Variants in FBXL7 observed in about 807,000 individuals in gnomAD.
FBXL7 encodes the protein F-box/LRR-repeat protein 7.
In FBXL7, 12 loss-of-function variants were observed where a neutral mutation model predicts 38.3. The observed-to-expected ratio is 0.31, with a 90% CI of 0.20 to 0.51. FBXL7 has a LOEUF of 0.51. Among genes scored for constraint, FBXL7 ranks in the 20% least tolerant of loss-of-function variants. FBXL7 has a pLI of 0.98. For missense variants in FBXL7, 567 were observed against 676.4 expected, an observed-to-expected ratio of 0.84 and a Z score of 1.79; for synonymous variants, 297 against 300.9, an observed-to-expected ratio of 0.99 and a Z score of 0.13.
At position 15,639,977 on chromosome 5, in the gene FBXL7, G is replaced by A. The variant is rs1741306188; in HGVS notation, c.127+23905G>A. ...GGTCTTTTCCGTAATTGAGGCAGGGGCAGTTATCCTAGGATATTTAGAAAA... is the reference window on the plus strand; with the variant it reads ...GGTCTTTTCCGTAATTGAGGCAGGGACAGTTATCCTAGGATATTTAGAAAA... On this transcript the variant is annotated intron_variant, in intron 2 of 3. Transcript: ENST00000504595. Among the ~76,000 whole-genome samples, 5 of 152,022 alleles carry A rather than the reference G, an allele frequency of 3.3e-5. No individual in the cohort carries two copies. The South Asian group carries it at 1.0e-3, about 32-fold the overall frequency.
At chr5:15,625,429 G>A (rs112375756) in intron 2 of FBXL7, among the ~76,000 whole-genome samples, 14 of 152,210 alleles carry the variant, frequency 9.2e-5, no homozygotes, top group African/African-American at 3.1e-4. Context: ...CGAGGTGGCC[G>A]ATCACATGAG....
chr5:15,655,100 C>T (rs1037491481), intron 2 of FBXL7, among the ~76,000 whole-genome samples: 6 of 152,230 alleles, frequency 3.9e-5, no homozygotes, highest in Non-Finnish European at 5.9e-5. Flanking sequence ...TCTCTGCACA[C>T]ATCTTAGTCT....
At chr5:15,840,630 C>T (rs529480509) in intron 2 of FBXL7, among the ~76,000 whole-genome samples, 7 of 151,990 alleles carry the variant, frequency 4.6e-5, no homozygotes, top group Non-Finnish European at 7.4e-5. Flanking sequence ...AGGTGGATCA[C>T]GAGGTCAAGG....
At chr5:15,652,689 G>A (rs938121833) in intron 2 of FBXL7, among the ~76,000 whole-genome samples, 1 of 152,194 alleles carries the variant, frequency 6.6e-6, no homozygotes, top group Non-Finnish European at 1.5e-5. Flanking sequence ...ATACTTAGAA[G>A]CCATGATAGG....
intron 2 of FBXL7, among the ~76,000 whole-genome samples, chr5:15,672,067 ACCTGAACTCAT>A (rs1186681757): frequency 6.6e-6 from 1 of 152,172 alleles, no homozygotes; most frequent in Non-Finnish European, 1.5e-5. Context: ...GATAAAAGCA[ACCTGAACTCAT>A]CCCATGACTA....
intron 1 of FBXL7, among the ~76,000 whole-genome samples, chr5:15,516,231 T>G (rs1736933293): frequency 6.6e-6 from 1 of 152,208 alleles, no homozygotes; most frequent in Non-Finnish European, 1.5e-5. Context: ...CCTAAATTTG[T>G]GTCTTGTATC....
At chr5:15,727,368 A>G (rs1305145700) in intron 2 of FBXL7, among the ~76,000 whole-genome samples, 3 of 152,206 alleles carry the variant, frequency 2.0e-5, no homozygotes, top group South Asian at 4.1e-4. Context: ...GGCCTCCTTG[A>G]GCATTTCTTG....
chr5:15,717,298 G>C (rs1744071117), intron 2 of FBXL7, among the ~76,000 whole-genome samples: 1 of 152,192 alleles, frequency 6.6e-6, no homozygotes, highest in African/African-American at 2.4e-5. Flanking sequence ...TCTCCTAGGT[G>C]TGATACCCAC....
intron 1 of FBXL7, among the ~76,000 whole-genome samples, chr5:15,507,727 C>A (rs896138876): frequency 6.6e-6 from 1 of 152,142 alleles, no homozygotes; most frequent in African/African-American, 2.4e-5. Flanking sequence ...TGACTTATGA[C>A]AGGCTTATGT....
rs1037404869 is a variant in FBXL7 at position 15,716,299 on chromosome 5, CT to C, written c.127+100228del. ...CGCTGTATGTATGCAGGGATTCTTC[CT>C]CGGGTCTCTATCAATACTTGCCTTT... is the stretch of plus-strand genomic sequence containing the variant. On this transcript the variant is annotated intron_variant, in intron 2 of 3. Transcript: ENST00000504595. 1.1e-4 allele frequency among the ~76,000 whole-genome samples: 16 copies of C among 152,296 alleles called. 1 individual carries two copies. The East Asian group carries it at 2.9e-3, about 28-fold the overall frequency.
chr5:15,930,124 C>A (rs963256686), intron 3 of FBXL7, among the ~76,000 whole-genome samples: 1 of 152,168 alleles, frequency 6.6e-6, no homozygotes, highest in African/African-American at 2.4e-5. Context: ...CAAGACAAAA[C>A]CATAGCAGCC....
intron 2 of FBXL7, among the ~76,000 whole-genome samples, chr5:15,782,770 C>T (rs1019720120): frequency 3.3e-5 from 5 of 151,934 alleles, no homozygotes; most frequent in Non-Finnish European, 7.4e-5. Context: ...AAGGCATTTT[C>T]TTGTGAAAAG....
intron 1 of FBXL7, among the ~76,000 whole-genome samples, chr5:15,587,029 C>T (rs141608081): frequency 1.3e-5 from 2 of 152,336 alleles, no homozygotes; most frequent in East Asian, 3.9e-4. Context: ...TTTCACCTCC[C>T]TGATATTTCC....
intron 1 of FBXL7, among the ~76,000 whole-genome samples, chr5:15,521,182 TC>T (rs1353657613): frequency 3.9e-5 from 6 of 152,232 alleles, no homozygotes; most frequent in African/African-American, 1.4e-4. Flanking sequence ...AAGCAGTTCT[TC>T]CCTCCAAGAG....
At chr5:15,641,264 A>G (rs1045860278) in intron 2 of FBXL7, among the ~76,000 whole-genome samples, 8 of 152,184 alleles carry the variant, frequency 5.3e-5, no homozygotes, top group African/African-American at 1.7e-4. Context: ...AAAGGGATGA[A>G]TGCTTACCCT....
intron 2 of FBXL7, among the ~76,000 whole-genome samples, chr5:15,648,257 G>T (rs933215336): frequency 1.3e-5 from 2 of 152,214 alleles, no homozygotes; most frequent in Non-Finnish European, 1.5e-5. Context: ...ATCTTATATG[G>T]TGTCTTCTTA....
intron 2 of FBXL7, among the ~76,000 whole-genome samples, chr5:15,689,160 C>T (rs1194189369): frequency 6.6e-6 from 1 of 152,194 alleles, no homozygotes; most frequent in Non-Finnish European, 1.5e-5. Context: ...GCTGAGCTGG[C>T]CTGCATGTCA....
intron 2 of FBXL7, among the ~76,000 whole-genome samples, chr5:15,846,398 A>C (rs1180808002): frequency 6.6e-6 from 1 of 152,256 alleles, no homozygotes; most frequent in African/African-American, 2.4e-5. Flanking sequence ...AAAATCTCTT[A>C]AATATGTGAA....
At chr5:15,885,503 C>T (rs1023807846) in intron 2 of FBXL7, among the ~76,000 whole-genome samples, 4 of 152,196 alleles carry the variant, frequency 2.6e-5, no homozygotes, top group African/African-American at 9.7e-5. Context: ...GCACCCACGT[C>T]AGGGAGCACC....
Sources: allele counts gnomAD v4.1 joint callset (sites outside exome capture counted in the v4.1 genomes callset), GRCh38; gene constraint gnomAD v4.1.1; transcripts MANE v1.5; gene names NCBI Gene and HGNC (gene_info 2026-07-23, HGNC 2026-07-21).